The following FBXO36 variants were observed in gnomAD, a reference collection of about 807,000 sequenced individuals.
FBXO36 encodes F-box only protein 36.
In FBXO36, 18 loss-of-function variants were observed where a neutral mutation model predicts 17.0. That is an observed-to-expected ratio of 1.06 (90% CI 0.73 to 1.57). The LOEUF is 1.57. FBXO36 is among the 40% of genes most tolerant of loss of function. The pLI, the probability that FBXO36 is intolerant of heterozygous loss-of-function variation, is 0.00. For missense variants in FBXO36, 229 were observed against 221.9 expected (o/e 1.03, Z -0.20); for synonymous variants, 83 against 85.3 (o/e 0.97, Z 0.15).
chr2:229,996,978 A>T (rs1323520364), intron 3 of FBXO36, 55 bp downstream of exon 3: 1 of 1,549,854 alleles, frequency 6.5e-7, no homozygotes, highest in African/African-American at 1.4e-5. Flanking sequence ...TTTCTAAAAA[A>T]AATTTTTAAC....
intron 1 of FBXO36, among the ~76,000 whole-genome samples, chr2:229,945,531 C>T (rs909682848): frequency 6.6e-6 from 1 of 150,776 alleles, no homozygotes; most frequent in Non-Finnish European, 1.5e-5. Flanking sequence ...GTCTCAAACT[C>T]CCGACCTCAG....
At chr2:229,925,614 T>G (rs2076908289) in intron 1 of FBXO36, among the ~76,000 whole-genome samples, 1 of 152,212 alleles carries the variant, frequency 6.6e-6, no homozygotes, top group African/African-American at 2.4e-5. Flanking sequence ...CCTTCTTTCA[T>G]GCTGATTCTG....
intron 1 of FBXO36, among the ~76,000 whole-genome samples, chr2:229,975,594 C>A (rs2077203430): frequency 6.6e-6 from 1 of 151,214 alleles, no homozygotes; most frequent in Admixed American, 6.6e-5. Flanking sequence ...CCCACCTCAG[C>A]CTCACAAGTA....
chr2:229,974,496 G>A (rs557691272), intron 1 of FBXO36, among the ~76,000 whole-genome samples: 12 of 152,222 alleles, frequency 7.9e-5, no homozygotes, highest in South Asian at 2.1e-4. Context: ...AAGGAATGTC[G>A]AAATAATTTT....
chr2:229,939,335 C>G, intron 1 of FBXO36: 4 of 871,184 alleles, frequency 4.6e-6, no homozygotes, highest in South Asian at 5.3e-5. Flanking sequence ...GTAAGGTCCT[C>G]TCGTCCCAAG....
intron 3 of FBXO36, among the ~76,000 whole-genome samples, chr2:230,004,570 C>T (rs2077376950): frequency 6.6e-6 from 1 of 152,186 alleles, no homozygotes; most frequent in Non-Finnish European, 1.5e-5. Flanking sequence ...AGATATTCTA[C>T]ACATGTAGAA....
intron 1 of FBXO36, among the ~76,000 whole-genome samples, chr2:229,961,146 G>A (rs1055822418): frequency 6.6e-6 from 1 of 151,926 alleles, no homozygotes; most frequent in African/African-American, 2.4e-5. Flanking sequence ...TAGATGGATG[G>A]CTTATCATGT....
intron 2 of FBXO36, among the ~76,000 whole-genome samples, chr2:229,986,887 C>G (rs2077271208): frequency 6.6e-6 from 1 of 151,680 alleles, no homozygotes; most frequent in East Asian, 2.0e-4. Context: ...TAAAAGTTTT[C>G]AAATTCAGAA....
intron 1 of FBXO36, among the ~76,000 whole-genome samples, chr2:229,936,684 CAAAG>C (rs1471730908): frequency 1.3e-5 from 2 of 151,784 alleles, no homozygotes; most frequent in Non-Finnish European, 2.9e-5. Flanking sequence ...ACCTGGGCAA[CAAAG>C]AGAGACCTTG....
chr2:229,997,040 C>A, intron 3 of FBXO36, 117 bp downstream of exon 3: 1 of 876,504 alleles, frequency 1.1e-6, no homozygotes, highest in Non-Finnish European at 1.8e-6. Context: ...GTCTTAGGTG[C>A]ACAAGCAGCA....
chr2:229,979,128 C>T (rs2077225108), intron 2 of FBXO36, among the ~76,000 whole-genome samples: 1 of 151,088 alleles, frequency 6.6e-6, no homozygotes, highest in African/African-American at 2.4e-5. Flanking sequence ...AGAGATCGTG[C>T]CACTGCATTC....
At chr2:229,975,462 C>T (rs2077202548) in intron 1 of FBXO36, among the ~76,000 whole-genome samples, 1 of 149,594 alleles carries the variant, frequency 6.7e-6, no homozygotes, top group African/African-American at 2.5e-5. Flanking sequence ...ATCAATTGAC[C>T]TGATGGATTT....
intron 2 of FBXO36, among the ~76,000 whole-genome samples, chr2:229,977,739 T>C (rs1337742678): frequency 6.6e-6 from 1 of 152,138 alleles, no homozygotes; most frequent in Admixed American, 6.6e-5. Flanking sequence ...CGTGAGCCAC[T>C]GCACCCGGCC....
At chr2:229,994,887 G>A (rs748894888) in intron 2 of FBXO36, among the ~76,000 whole-genome samples, 1 of 151,714 alleles carries the variant, frequency 6.6e-6, no homozygotes, top group Non-Finnish European at 1.5e-5. Flanking sequence ...AGGCTGAGGC[G>A]GGTGGATCAC....
chr2:229,936,056 T>C (rs962203095), intron 1 of FBXO36, among the ~76,000 whole-genome samples: 4 of 152,102 alleles, frequency 2.6e-5, no homozygotes, highest in Non-Finnish European at 5.9e-5. Flanking sequence ...GGTGTGGTGG[T>C]GGACGCTTGT....
intron 1 of FBXO36, among the ~76,000 whole-genome samples, chr2:229,962,896 C>G (rs1000003438): frequency 1.3e-5 from 2 of 152,038 alleles, no homozygotes; most frequent in Non-Finnish European, 2.9e-5. Context: ...AGGCTGGTCT[C>G]AAACTCCTGA....
At chr2:229,922,771 G>A (rs925234294) in intron 1 of FBXO36, among the ~76,000 whole-genome samples, 162 bp downstream of exon 1, 23 of 152,192 alleles carry the variant, frequency 1.5e-4, no homozygotes, top group African/African-American at 5.5e-4. Context: ...GGCCTCCTCG[G>A]TCCGACGGCC....
chr2:229,992,265 A>G (rs2077301671), intron 2 of FBXO36, among the ~76,000 whole-genome samples: 1 of 151,442 alleles, frequency 6.6e-6, no homozygotes, highest in African/African-American at 2.4e-5. Flanking sequence ...TCAAGCAATT[A>G]TCATGCCTCA....
At chr2:229,975,239 C>T (rs1310434175) in intron 1 of FBXO36, among the ~76,000 whole-genome samples, 1 of 152,088 alleles carries the variant, frequency 6.6e-6, no homozygotes, top group Non-Finnish European at 1.5e-5. Flanking sequence ...TTTCATGCAT[C>T]AAACTAAGCA....
Sources: allele counts gnomAD v4.1 joint callset (sites outside exome capture counted in the v4.1 genomes callset), GRCh38; gene constraint gnomAD v4.1.1; transcripts MANE v1.5; gene names NCBI Gene and HGNC (gene_info 2026-07-23, HGNC 2026-07-21).